The following PPP2R3C variants were observed in gnomAD, a reference collection of about 807,000 sequenced individuals.
PPP2R3C encodes protein phosphatase 2 regulatory subunit B''gamma, also known as serine/threonine-protein phosphatase 2A regulatory subunit B'' subunit gamma.
In PPP2R3C, 47 loss-of-function variants were observed where a neutral mutation model predicts 63.7. The ratio of observed to expected loss-of-function variants is 0.74; its 90% CI spans 0.58 to 0.94. The LOEUF (loss-of-function observed/expected upper bound fraction) is 0.94, where lower values mean the gene tolerates loss of function less well. PPP2R3C is among the 40% of genes least tolerant of loss of function. The pLI is 0.00. For synonymous variants in PPP2R3C, 180 were observed against 177.4 expected (o/e 1.01, Z -0.12); for missense variants, 421 against 518.4 (o/e 0.81, Z 1.82).
rs752261040 is a variant in PPP2R3C at position 35,096,641 on chromosome 14, AAC to A, written c.763-10_763-9del. On this transcript the variant is annotated splice_polypyrimidine_tract_variant and intron_variant, in intron 8 of 12. Coordinates refer to ENST00000261475, the MANE Select transcript of PPP2R3C (RefSeq NM_017917.4). The stretch of plus-strand genomic sequence containing the variant: ...CAGTTCCTCATCCCTTAGCTAATGG[AAC>A]ACAAAGACATAATTAGAAGATAGCA... The A allele has an allele frequency of 6.2e-7, 1 of 1,612,760 alleles. No individual in the cohort carries two copies. The highest frequency in any genetic ancestry group is 8.5e-7 in the Non-Finnish European group (1 of 1,179,578).
Position 35,121,940 on chromosome 14 carries a change from A to G in PPP2R3C, c.20T>C (p.Leu7Pro), listed in dbSNP as rs777127421. Residue 7 changes from leucine (L) to proline (P), a missense_variant, in exon 1 of 13, where the codon CTT becomes CCT. Physicochemically the swap from Leu to Pro is moderately conservative, Grantham distance 98 (BLOSUM62 -3). This residue lies in a region of PPP2R3C where 143 missense variants were observed against 151.2 expected (regional missense o/e 0.95). Transcript: ENST00000261475. MDWKEV[L>P]RRRLATPNTC... is the part of the protein sequence containing the mutation. ...GTTGGGCGTCGCTAGGCGCCGACGA[A>G]GAACTTCTTTCCAGTCCATGGCCGA... is the stretch of plus-strand genomic sequence containing the variant. 6.2e-7 allele frequency: 1 copy of G among 1,614,186 alleles called. No homozygotes were observed.
At chr14:35,121,011 G>A (rs2046866945) in intron 1 of PPP2R3C, among the ~76,000 whole-genome samples, 1 of 152,046 alleles carries the variant, frequency 6.6e-6, no homozygotes, top group Non-Finnish European at 1.5e-5. Context: ...TTGAATGTAG[G>A]AGAATGAACG....
rs1407883384 is a variant in PPP2R3C at position 35,099,044 on chromosome 14, T to G, written c.706+208A>C. On this transcript the variant is annotated intron_variant, in intron 7 of 12. Coordinates refer to ENST00000261475, the MANE Select transcript of PPP2R3C (RefSeq NM_017917.4). ...CTGTCACACAGCAGGTTATGGTCAG[T>G]GCAAGTAAATCATAAAAGATCTTCA... The G allele has an allele frequency of 5.3e-6, 3 of 564,972 alleles. No individual in the cohort carries two copies. In the African/African-American group the frequency reaches 5.9e-5, roughly 11 times the overall value. The allele number at this position is 564,972 out of a possible 1,614,324, so 35.0% of individuals were successfully genotyped here.
At chr14:35,103,031 G>C (rs2046248119) in intron 6 of PPP2R3C, among the ~76,000 whole-genome samples, 1 of 152,118 alleles carries the variant, frequency 6.6e-6, no homozygotes, top group Non-Finnish European at 1.5e-5. Flanking sequence ...AAGTTGCTGG[G>C]ATTACGGGCA....
chr14:35,090,857 A>G (rs1427756558), intron 11 of PPP2R3C, among the ~76,000 whole-genome samples: 1 of 151,856 alleles, frequency 6.6e-6, no homozygotes. Context: ...CTGGTACTAC[A>G]GGCACCCACC....
At chr14:35,108,081 G>C in intron 5 of PPP2R3C, 58 bp downstream of exon 5, 1 of 1,582,336 alleles carries the variant, frequency 6.3e-7, no homozygotes, top group African/African-American at 1.4e-5. Context: ...TAAAAGCACA[G>C]ACCAAAAACC....
At chr14:35,116,332 G>A (rs183653176) in intron 2 of PPP2R3C, among the ~76,000 whole-genome samples, 144 of 152,078 alleles carry the variant, frequency 9.5e-4, no homozygotes, top group African/African-American at 3.3e-3. Flanking sequence ...GCTCACTGCT[G>A]CCTCGATCTC....
chr14:35,108,386 TCAAAC>T, intron 4 of PPP2R3C, 150 bp from the exon 5 acceptor site: 3 of 1,076,168 alleles, frequency 2.8e-6, no homozygotes, highest in Non-Finnish European at 3.7e-6. Flanking sequence ...AAATATTAAG[TCAAAC>T]TTTTTTTTTT....
At chr14:35,110,494 C>A in intron 3 of PPP2R3C, 31 bp downstream of exon 3, 1 of 1,428,552 alleles carries the variant, frequency 7.0e-7, no homozygotes, top group Non-Finnish European at 9.8e-7. Context: ...AAATGGTTAA[C>A]ATCTAAAGCA....
At chr14:35,110,265 C>A in intron 3 of PPP2R3C, 1 of 450,122 alleles carries the variant, frequency 2.2e-6, no homozygotes, top group South Asian at 3.3e-5. Context: ...TGTAGTCTGA[C>A]CCTACAGCAG....
chr14:35,109,473 T>C (rs2046474915), intron 4 of PPP2R3C, among the ~76,000 whole-genome samples: 1 of 152,134 alleles, frequency 6.6e-6, no homozygotes, highest in Admixed American at 6.6e-5. Flanking sequence ...CATTTAATAT[T>C]TGAGGATTTG....
chr14:35,114,693 TA>T (rs1002972026), intron 2 of PPP2R3C, among the ~76,000 whole-genome samples: 11 of 150,384 alleles, frequency 7.3e-5, no homozygotes, highest in Non-Finnish European at 1.5e-5. Flanking sequence ...AATAGACCTC[TA>T]AAAAAAAAGA....
chr14:35,116,339 T>A (rs2046709284), intron 2 of PPP2R3C, among the ~76,000 whole-genome samples: 1 of 151,930 alleles, frequency 6.6e-6, no homozygotes, highest in African/African-American at 2.4e-5. Context: ...GCTGCCTCGA[T>A]CTCCTGGGCT....
chr14:35,121,022 T>G (rs2046867830), intron 1 of PPP2R3C, among the ~76,000 whole-genome samples: 1 of 151,908 alleles, frequency 6.6e-6, no homozygotes, highest in Admixed American at 6.6e-5. Flanking sequence ...AGAATGAACG[T>G]CCAGGAAAAC....
At chr14:35,112,050 A>G (rs2046578129) in intron 2 of PPP2R3C, among the ~76,000 whole-genome samples, 1 of 152,128 alleles carries the variant, frequency 6.6e-6, no homozygotes, top group Admixed American at 6.6e-5. Flanking sequence ...CTTACCTGTA[A>G]TTCTTCCTGT....
chr14:35,120,653 TA>T (rs2046847409), intron 1 of PPP2R3C, among the ~76,000 whole-genome samples: 1 of 151,994 alleles, frequency 6.6e-6, no homozygotes, highest in Admixed American at 6.5e-5. Flanking sequence ...AAGAATAGTG[TA>T]AAAGAGTGTT....
rs34776163 is a variant in PPP2R3C, at chr14:35,110,605, G to T, written c.211C>A (p.Leu71Ile). The change falls in exon 3 of 13, where the codon CTA becomes ATA. Residue 71 changes from leucine (L) to isoleucine (I), a missense_variant. Transcript: ENST00000261475. ...CTTGATTCCTCTCTTAATTTCTGTA[G>T]TAAGACTTCATCTTCAGCAGGCAGC... ...YRLPAEDEVL[L>I]QKLREESRAV... 11 of 1,610,804 alleles carry T rather than the reference G, an allele frequency of 6.8e-6. No individual in the cohort carries two copies. Among genetic ancestry groups the T allele is most frequent in the Admixed American group, 5.0e-5 (3 of 59,824 alleles).
At chr14:35,091,040 C>T in intron 11 of PPP2R3C, 30 bp downstream of exon 11, 1 of 1,575,410 alleles carries the variant, frequency 6.3e-7, no homozygotes, top group Non-Finnish European at 8.7e-7. Flanking sequence ...TCTTAAGGAA[C>T]AATGACTCAC....
rs775556346 is a variant in PPP2R3C, at chr14:35,121,934, C to A, written c.26G>T (p.Arg9Leu). The A allele has an allele frequency of 6.2e-7, 1 of 1,614,036 alleles. No individual in the cohort carries two copies. The highest frequency in any genetic ancestry group is 8.5e-7 in the Non-Finnish European group (1 of 1,180,030). ...ACAGGTGTTGGGCGTCGCTAGGCGCCGACGAAGAACTTCTTTCCAGTCCAT... is the reference window on the plus strand; with the variant it reads ...ACAGGTGTTGGGCGTCGCTAGGCGCAGACGAAGAACTTCTTTCCAGTCCAT... MDWKEVLRRRLATPNTCPN... is the reference protein window; with the variant it reads MDWKEVLRLRLATPNTCPN... The change falls in exon 1 of 13, where the codon CGG becomes CTG. Residue 9 changes from arginine (R) to leucine (L), a missense_variant. Physicochemically the swap from Arg to Leu is moderately radical, Grantham distance 102. Around this residue, in one of 3 missense-constraint regions of PPP2R3C, gnomAD observed 143 missense variants for 151.2 expected, o/e 0.95. Transcript: ENST00000261475.
Sources: gnomAD v4.1 joint callset for allele counts (sites outside exome capture counted in the v4.1 genomes callset) on GRCh38, gnomAD v4.1.1 for gene constraint, gnomAD v4.1.1 regional missense constraint, MANE v1.5 for transcripts, NCBI Gene and HGNC (gene_info 2026-07-23, HGNC 2026-07-21) for gene names.